Variants in TCF12 observed in about 807,000 individuals in gnomAD.
The protein encoded by TCF12 is DNA-binding protein HTF4.
In TCF12, 45 loss-of-function variants were observed where a neutral mutation model predicts 86.0. The observed-to-expected ratio is 0.52, with a 90% CI of 0.41 to 0.67. TCF12 has a LOEUF of 0.67. Among genes scored for constraint, TCF12 ranks in the 30% least tolerant of loss-of-function variants. The probability of loss-of-function intolerance (pLI) is 0.00; values close to 1 mark genes in which losing one functional copy is unlikely to be tolerated. For synonymous variants in TCF12, 330 were observed against 299.6 expected (o/e 1.10, Z -1.05); for missense variants, 881 against 859.9 (o/e 1.02, Z -0.31).
chr15:57,282,214 TA>T (rs1448638583), intron 19 of TCF12: 2 of 553,422 alleles, frequency 3.6e-6, no homozygotes, highest in Non-Finnish European at 6.3e-6. Flanking sequence ...AATCAAACCC[TA>T]GAAAACTAAA....
intron 4 of TCF12, among the ~76,000 whole-genome samples, chr15:57,086,266 C>G (rs1373140866): frequency 7.2e-6 from 1 of 138,128 alleles, no homozygotes; most frequent in East Asian, 2.1e-4. Flanking sequence ...TTATTATGTG[C>G]TTACTATGTG....
chr15:57,148,488 A>G (rs2053523851), intron 5 of TCF12, among the ~76,000 whole-genome samples: 1 of 152,050 alleles, frequency 6.6e-6, no homozygotes, highest in Non-Finnish European at 1.5e-5. Context: ...CAGAGGGGCT[A>G]ACAAGCCAAA....
chr15:57,021,257 C>T (rs1292449307), intron 3 of TCF12, among the ~76,000 whole-genome samples: 2 of 152,156 alleles, frequency 1.3e-5, no homozygotes, highest in Admixed American at 6.6e-5. Context: ...GAACGTTGAT[C>T]GTGTTTCTAG....
chr15:56,959,543 G>A (rs1293806393), intron 3 of TCF12, among the ~76,000 whole-genome samples: 1 of 152,172 alleles, frequency 6.6e-6, no homozygotes, highest in Non-Finnish European at 1.5e-5. Flanking sequence ...AACCACCTAG[G>A]TTCATGAAAA....
intron 13 of TCF12, among the ~76,000 whole-genome samples, chr15:57,248,714 T>A (rs577768692): frequency 9.3e-4 from 141 of 152,370 alleles, no homozygotes; most frequent in Non-Finnish European, 1.1e-3. Flanking sequence ...CGGGCCAGTC[T>A]GTAATACAAA....
At chr15:57,231,108 G>A in intron 8 of TCF12, 44 bp from the exon 9 acceptor site, 1 of 1,438,728 alleles carries the variant, frequency 7.0e-7, no homozygotes, top group East Asian at 2.3e-5. Flanking sequence ...TAAGTAATAT[G>A]ATAGTCATTT....
At chr15:57,070,310 G>T (rs1365345153) in intron 4 of TCF12, among the ~76,000 whole-genome samples, 2 of 152,010 alleles carry the variant, frequency 1.3e-5, no homozygotes, top group African/African-American at 4.8e-5. Context: ...CATTTAAAAA[G>T]CATCAGCAGT....
chr15:56,949,429 A>T (rs780100238), intron 3 of TCF12, among the ~76,000 whole-genome samples: 1 of 152,242 alleles, frequency 6.6e-6, no homozygotes, highest in Non-Finnish European at 1.5e-5. Context: ...ATAGATGTAA[A>T]ACTCAGTCTG....
intron 2 of TCF12, among the ~76,000 whole-genome samples, 158 bp from the exon 3 acceptor site, chr15:56,920,864 ATCAT>A (rs1483775185): frequency 6.6e-6 from 1 of 152,228 alleles, no homozygotes; most frequent in African/African-American, 2.4e-5. Flanking sequence ...AGGAAATAGT[ATCAT>A]TCAGTGTATT....
intron 8 of TCF12, among the ~76,000 whole-genome samples, chr15:57,208,279 G>A (rs893425099): frequency 4.0e-5 from 6 of 150,868 alleles, no homozygotes; most frequent in East Asian, 1.9e-4. Context: ...TGATCCACCC[G>A]CCTCAGCCTC....
chr15:56,965,121 A>G (rs1335618913), intron 3 of TCF12, among the ~76,000 whole-genome samples: 1 of 152,200 alleles, frequency 6.6e-6, no homozygotes, highest in Non-Finnish European at 1.5e-5. Context: ...AGGCACTAGC[A>G]CTTAATTCTT....
chr15:57,165,789 G>A (rs535624238), intron 5 of TCF12, among the ~76,000 whole-genome samples: 31 of 152,168 alleles, frequency 2.0e-4, no homozygotes, highest in African/African-American at 6.0e-4. Flanking sequence ...GCCCGCCTTC[G>A]CCTCCCAAAG....
At chr15:57,232,911 C>T (rs2059206232) in intron 11 of TCF12, 55 bp downstream of exon 11, 13 of 1,348,478 alleles carry the variant, frequency 9.6e-6, no homozygotes, top group Non-Finnish European at 1.3e-5. Context: ...TTCAGTGACC[C>T]CGATATCTTT....
At chr15:57,226,085 G>T (rs2058862415) in intron 8 of TCF12, among the ~76,000 whole-genome samples, 1 of 136,270 alleles carries the variant, frequency 7.3e-6, no homozygotes, top group South Asian at 2.2e-4. Flanking sequence ...CTAGTTTTTT[G>T]AATGCTGACT....
chr15:57,286,667 C>G lies in TCF12; in HGVS notation c.*522C>G, dbSNP rs1296335683. On this transcript the variant is annotated 3_prime_UTR_variant, in exon 21 of 21. Coordinates refer to ENST00000333725, the MANE Select transcript of TCF12 (RefSeq NM_207037.2). ...TTGGCCCTTAGCATTCCCGGCATAC[C>G]TATTAGTGTCTTAAAAAGGAAGGGA... is the stretch of plus-strand genomic sequence containing the variant. 4.4e-6 allele frequency: 2 copies of G among 456,538 alleles called. No individual in the cohort carries two copies. The highest frequency in any genetic ancestry group is 8.8e-6 in the Non-Finnish European group (2 of 226,972). The allele number at this position is 456,538 out of a possible 1,614,324, so 28.3% of individuals were successfully genotyped here.
chr15:57,051,990 C>CA (rs1156420898), intron 3 of TCF12, among the ~76,000 whole-genome samples: 2 of 152,142 alleles, frequency 1.3e-5, no homozygotes, highest in Non-Finnish European at 2.9e-5. Context: ...GTCTATGTGT[C>CA]TGTTTTTAAT....
chr15:56,963,096 A>G (rs763757327), intron 3 of TCF12, among the ~76,000 whole-genome samples: 1 of 150,850 alleles, frequency 6.6e-6, no homozygotes, highest in Admixed American at 6.6e-5. Context: ...AATCAAGTAC[A>G]AAAGATAATC....
chr15:57,201,404 G>A (rs1458389540), intron 8 of TCF12, among the ~76,000 whole-genome samples: 3 of 152,144 alleles, frequency 2.0e-5, no homozygotes, highest in African/African-American at 7.2e-5. Context: ...GGAAAGATGC[G>A]TAGCAGCTCA....
intron 3 of TCF12, among the ~76,000 whole-genome samples, chr15:56,964,659 TA>T (rs1670565319): frequency 6.6e-6 from 1 of 152,238 alleles, no homozygotes; most frequent in African/African-American, 2.4e-5. Flanking sequence ...ATTTGGAGCT[TA>T]ATAAGATTTT....
Sources: allele counts gnomAD v4.1 joint callset (sites outside exome capture counted in the v4.1 genomes callset), GRCh38; gene constraint gnomAD v4.1.1; transcripts MANE v1.5; gene names NCBI Gene and HGNC (gene_info 2026-07-23, HGNC 2026-07-21).